Variants in TRAK2 observed in about 807,000 individuals in gnomAD.
The protein encoded by TRAK2 is trafficking kinesin protein 2.
In TRAK2, 81 loss-of-function variants were observed where a neutral mutation model predicts 104.6. The ratio of observed to expected loss-of-function variants is 0.77; its 90% CI spans 0.65 to 0.93. TRAK2 has a LOEUF of 0.93. TRAK2 is among the 40% of genes least tolerant of loss of function. The probability of loss-of-function intolerance (pLI) is 0.00; values close to 1 mark genes in which losing one functional copy is unlikely to be tolerated. For synonymous variants in TRAK2, 406 were observed against 394.4 expected (o/e 1.03, Z -0.35); for missense variants, 1,002 against 1,089.0 (o/e 0.92, Z 1.12).
intron 5 of TRAK2, among the ~76,000 whole-genome samples, chr2:201,398,821 T>C (rs770746497): frequency 6.6e-6 from 1 of 152,080 alleles, no homozygotes; most frequent in Admixed American, 6.6e-5. Context: ...GAACAAATAG[T>C]TTCAACCTAA....
At chr2:201,406,963 T>C (rs1305712440) in intron 3 of TRAK2, among the ~76,000 whole-genome samples, 4 of 152,222 alleles carry the variant, frequency 2.6e-5, no homozygotes, top group Non-Finnish European at 4.4e-5. Flanking sequence ...CTTATGTACC[T>C]AAGAACTATG....
chr2:201,410,015 G>A (rs1464532770), intron 2 of TRAK2, among the ~76,000 whole-genome samples: 2 of 152,156 alleles, frequency 1.3e-5, no homozygotes, highest in Non-Finnish European at 2.9e-5. Context: ...ACCTGAAGAG[G>A]GGCCGGGCGC....
chr2:201,436,607 C>T (rs576239651), intron 1 of TRAK2, among the ~76,000 whole-genome samples: 16 of 152,292 alleles, frequency 1.1e-4, no homozygotes, highest in East Asian at 1.9e-4. Context: ...AAAACAGCAA[C>T]AAGTCAAGAA....
intron 1 of TRAK2, among the ~76,000 whole-genome samples, chr2:201,430,413 C>T (rs1416964646): frequency 2.6e-5 from 4 of 152,244 alleles, no homozygotes; most frequent in Admixed American, 2.0e-4. Flanking sequence ...TTCAGCTATG[C>T]CCTGTCCCCA....
At chr2:201,412,642 G>A in intron 2 of TRAK2, 1 of 1,565,202 alleles carries the variant, frequency 6.4e-7, no homozygotes, top group Non-Finnish European at 8.8e-7. Context: ...AAGACACAAT[G>A]AAGGTAAATT....
At chr2:201,427,709 ATGG>A (rs1951802691) in intron 1 of TRAK2, among the ~76,000 whole-genome samples, 1 of 152,170 alleles carries the variant, frequency 6.6e-6, no homozygotes, top group Non-Finnish European at 1.5e-5. Flanking sequence ...GCTGGGTCAA[ATGG>A]TATTTCTAGT....
intron 1 of TRAK2, among the ~76,000 whole-genome samples, 154 bp downstream of exon 1, chr2:201,451,196 G>A (rs1399638941): frequency 6.6e-6 from 1 of 152,202 alleles, no homozygotes; most frequent in Non-Finnish European, 1.5e-5. Flanking sequence ...GCCTCACCGC[G>A]GGACCCGGAC....
At chr2:201,390,254 T>C (rs1437278701) in intron 10 of TRAK2, among the ~76,000 whole-genome samples, 1 of 151,858 alleles carries the variant, frequency 6.6e-6, no homozygotes, top group Non-Finnish European at 1.5e-5. Context: ...ATAATAATCA[T>C]GTATAGCTGG....
chr2:201,389,919 C>G, intron 10 of TRAK2, 39 bp from the exon 11 acceptor site: 1 of 1,521,246 alleles, frequency 6.6e-7, no homozygotes, highest in Non-Finnish European at 9.1e-7. Context: ...GTGATTGTTG[C>G]CCTTAAATTA....
intron 2 of TRAK2, among the ~76,000 whole-genome samples, chr2:201,418,650 T>G (rs1951713777): frequency 6.6e-6 from 1 of 152,210 alleles, no homozygotes; most frequent in East Asian, 1.9e-4. Flanking sequence ...TATCAAGGTA[T>G]TTCAATAAGG....
rs1951972934 is a variant in TRAK2 at position 201,447,439 on chromosome 2, C to A, written c.-200+3911G>T. On this transcript the variant is annotated intron_variant, in intron 1 of 15. Transcript: ENST00000332624. The surrounding 1 kb of genome is among the most constrained non-coding windows in gnomAD (Gnocchi z 4.1). ...TGCTAGGGGTTCCATAAAAAACTAC[C>A]ACAGACTGGGTGGCTTCAACAACAG... Among the ~76,000 whole-genome samples, 1 of 152,160 alleles carries A rather than the reference C, an allele frequency of 6.6e-6. No individual in the cohort carries two copies. Among genetic ancestry groups the A allele is most frequent in the South Asian group, 2.1e-4 (1 of 4,826 alleles).
chr2:201,410,526 T>A (rs1951636325), intron 2 of TRAK2: 1 of 1,035,616 alleles, frequency 9.7e-7, no homozygotes, highest in Non-Finnish European at 1.5e-6. Context: ...ACTGAAATAA[T>A]CCTTCAAAAT....
chr2:201,433,249 G>T (rs1213864166), intron 1 of TRAK2, among the ~76,000 whole-genome samples: 1 of 152,188 alleles, frequency 6.6e-6, no homozygotes, highest in Non-Finnish European at 1.5e-5. Context: ...CCTCAGGAAG[G>T]CAGAGGCCAC....
At chr2:201,400,460 G>T (rs1415895788) in intron 4 of TRAK2, among the ~76,000 whole-genome samples, 2 of 151,918 alleles carry the variant, frequency 1.3e-5, no homozygotes, top group Admixed American at 1.3e-4. Context: ...AATCATTCTG[G>T]AGAGCTGGGG....
Position 201,380,744 on chromosome 2 carries a change from C to T in TRAK2, c.2544G>A (p.Lys848=), listed in dbSNP as rs985037581. The T allele has an allele frequency of 1.2e-6, 2 of 1,614,126 alleles. No homozygotes were observed. Among genetic ancestry groups the T allele is most frequent in the Admixed American group, 1.7e-5 (1 of 60,002 alleles). Residue 848 remains lysine (K), a synonymous_variant, in exon 16 of 16, where the codon AAG becomes AAA. Coordinates refer to ENST00000332624, the MANE Select transcript of TRAK2 (RefSeq NM_015049.3). ...TTCCATTCTCTTGGGCACCAGGGTTCTTGACCACTCTGGCTATCCCCAGTC... is the reference window on the plus strand; with the variant it reads ...TTCCATTCTCTTGGGCACCAGGGTTTTTGACCACTCTGGCTATCCCCAGTC... ...LKRLGIARVV[K]NPGAQENGRC... is the part of the protein sequence containing the mutation.
In TRAK2 at chr2:201,380,352, T is replaced by C; in HGVS notation, c.*191A>G. On this transcript the variant is annotated 3_prime_UTR_variant, in exon 16 of 16. Coordinates refer to ENST00000332624, the MANE Select transcript of TRAK2 (RefSeq NM_015049.3). ...TGAACACTCATGGCCCATTCATTTA[T>C]ACTTTCAATTTGCCCGACTTCCTCC... The C allele has an allele frequency of 1.6e-6, 1 of 628,924 alleles. No homozygotes were observed. The highest frequency in any genetic ancestry group is 2.8e-6 in the Non-Finnish European group (1 of 361,698). 39.0% of individuals were successfully genotyped at this position (628,924 alleles called of 1,614,324 possible).
At chr2:201,417,634 T>C (rs936976599) in intron 2 of TRAK2, among the ~76,000 whole-genome samples, 3 of 152,232 alleles carry the variant, frequency 2.0e-5, no homozygotes, top group East Asian at 1.9e-4. Flanking sequence ...GGTCAAATAC[T>C]GTAACTTTTC....
At chr2:201,381,310 T>C in intron 15 of TRAK2, 92 bp from the exon 16 acceptor site, 1 of 1,213,624 alleles carries the variant, frequency 8.2e-7, no homozygotes, top group Non-Finnish European at 1.1e-6. Flanking sequence ...TAGTTATCCT[T>C]GGTAAATATA....
Position 201,380,914 on chromosome 2 carries a change from A to G in TRAK2, c.2374T>C (p.Phe792Leu), listed in dbSNP as rs1225770822. 6.2e-7 allele frequency: 1 copy of G among 1,614,108 alleles called. No homozygotes were observed. The highest frequency in any genetic ancestry group is 1.1e-5 in the South Asian group (1 of 91,086). ...TCAGAGAGATGCACTCGAGGCTCAAAGGGTAAAGGAGAAGGGCAAGGTGAG... is the reference window on the plus strand; with the variant it reads ...TCAGAGAGATGCACTCGAGGCTCAAGGGGTAAAGGAGAAGGGCAAGGTGAG... ...SHSPCPSPLPFEPRVHLSENF... is the reference protein window; with the variant it reads ...SHSPCPSPLPLEPRVHLSENF... Residue 792 changes from phenylalanine to leucine, a missense_variant, in exon 16 of 16, where the codon TTT (phenylalanine) becomes CTT (leucine). Coordinates refer to ENST00000332624, the MANE Select transcript of TRAK2 (RefSeq NM_015049.3).
Sources: allele counts gnomAD v4.1 joint callset (sites outside exome capture counted in the v4.1 genomes callset), GRCh38; gene constraint gnomAD v4.1.1; non-coding constraint Gnocchi (gnomAD v3.1); transcripts MANE v1.5; gene names NCBI Gene and HGNC (gene_info 2026-07-23, HGNC 2026-07-21).